Variants in DLC1 observed in about 807,000 individuals in gnomAD.
DLC1 encodes the protein DLC1 Rho GTPase activating protein.
Under a neutral mutation model 140.3 loss-of-function variants are expected in DLC1, and 54 were observed. That is an observed-to-expected ratio of 0.38 (90% CI 0.31 to 0.48). The LOEUF (loss-of-function observed/expected upper bound fraction) is 0.48. Among genes scored for constraint, DLC1 ranks in the 20% least tolerant of loss-of-function variants. The pLI is 0.96. For missense variants in DLC1, 2,536 were observed against 1,907.0 expected, an observed-to-expected ratio of 1.33 and a Z score of -6.14; for synonymous variants, 986 against 728.1, an observed-to-expected ratio of 1.35 and a Z score of -5.70.
In DLC1 at chr8:13,099,725, G is replaced by T. The variant is rs145263649; in HGVS notation, c.2612C>A (p.Ser871Tyr). The change falls in exon 9 of 18, where the codon TCC (serine) becomes TAC (tyrosine). Residue 871 changes from serine to tyrosine, a missense_variant. Physicochemically the swap from Ser to Tyr is moderately radical, Grantham distance 144. Coordinates refer to ENST00000276297, the MANE Select transcript of DLC1 (RefSeq NM_182643.3). The stretch of plus-strand genomic sequence containing the variant: ...GTAGATGCTCAGGCGGCTGCTCATG[G>T]AGCTGGAAGAATTGCGTCTCTTCAG... The part of the protein sequence containing the change: ...KELKRRNSSS[S>Y]MSSRLSIYDN... 14 of 1,614,074 alleles carry T rather than the reference G, an allele frequency of 8.7e-6. No homozygotes were observed. The highest frequency in any genetic ancestry group is 1.2e-5 in the Non-Finnish European group (14 of 1,180,036).
chr8:13,355,423 C>T (rs530398791), intron 4 of DLC1, among the ~76,000 whole-genome samples: 2 of 152,286 alleles, frequency 1.3e-5, no homozygotes, highest in South Asian at 2.1e-4. Flanking sequence ...GTGACTAAAA[C>T]AACAGAAATT....
At position 13,124,433 on chromosome 8, in the gene DLC1, A is replaced by G. The variant is rs145488951; in HGVS notation, c.1349-8776T>C. 2.8e-3 allele frequency among the ~76,000 whole-genome samples: 433 copies of G among 152,366 alleles called. 3 individuals carry two copies. Among genetic ancestry groups the G allele is most frequent in the African/African-American group, 0.01 (416 of 41,590 alleles). Reference sequence around the variant, plus strand: ...GTCTGGATTTACTACAATACAGACCAAAAAGCAGGAGTATGAAGCAGAAAG... The same window carrying G: ...GTCTGGATTTACTACAATACAGACCGAAAAGCAGGAGTATGAAGCAGAAAG... On this transcript the variant is annotated intron_variant, in intron 5 of 17. Coordinates refer to ENST00000276297, the MANE Select transcript of DLC1 (RefSeq NM_182643.3).
intron 5 of DLC1, among the ~76,000 whole-genome samples, chr8:13,193,238 T>G (rs1008588084): frequency 2.0e-5 from 3 of 152,160 alleles, no homozygotes; most frequent in Non-Finnish European, 4.4e-5. Flanking sequence ...TAGTTTGACT[T>G]TTCAAAAGAC....
chr8:13,368,372 G>T (rs1410946356), intron 4 of DLC1, among the ~76,000 whole-genome samples: 1 of 152,040 alleles, frequency 6.6e-6, no homozygotes, highest in Admixed American at 6.6e-5. Flanking sequence ...TCATAGTAAA[G>T]ATGTCTGTTG....
intron 2 of DLC1, among the ~76,000 whole-genome samples, chr8:13,477,430 T>G (rs1022659637): frequency 6.6e-6 from 1 of 152,202 alleles, no homozygotes; most frequent in Non-Finnish European, 1.5e-5. Flanking sequence ...GTACATTGTA[T>G]TTCTATAAGA....
intron 2 of DLC1, among the ~76,000 whole-genome samples, chr8:13,466,017 G>A (rs1156758308): frequency 6.6e-6 from 1 of 152,094 alleles, no homozygotes; most frequent in Non-Finnish European, 1.5e-5. Flanking sequence ...CTCCCTAGGG[G>A]GCAGCTAGAT....
At chr8:13,488,616 G>A (rs552540384) in intron 2 of DLC1, among the ~76,000 whole-genome samples, 1 of 152,304 alleles carries the variant, frequency 6.6e-6, no homozygotes, top group South Asian at 2.1e-4. Flanking sequence ...CACCAGCTGA[G>A]CGAAGACTTT....
intron 2 of DLC1, among the ~76,000 whole-genome samples, chr8:13,486,360 C>G (rs1800968144): frequency 6.6e-6 from 1 of 152,144 alleles, no homozygotes. Flanking sequence ...CCCCCGCACA[C>G]AAAGTAGACA....
At chr8:13,601,670 A>G (rs1585321041) in intron 1 of DLC1, among the ~76,000 whole-genome samples, 1 of 151,706 alleles carries the variant, frequency 6.6e-6, no homozygotes, top group East Asian at 1.9e-4. Context: ...ACAAAACAAC[A>G]ACGACAACAA....
intron 2 of DLC1, among the ~76,000 whole-genome samples, chr8:13,473,127 C>G (rs1439328426): frequency 6.6e-6 from 1 of 152,112 alleles, no homozygotes; most frequent in Non-Finnish European, 1.5e-5. Flanking sequence ...GGAAGAGACA[C>G]CCAGTGTTCA....
intron 4 of DLC1, among the ~76,000 whole-genome samples, chr8:13,347,527 A>T (rs1834406410): frequency 6.6e-6 from 1 of 152,272 alleles, no homozygotes; most frequent in Non-Finnish European, 1.5e-5. Context: ...AGCCCATTCC[A>T]TATAATGATC....
At chr8:13,221,458 A>G (rs1056629648) in intron 5 of DLC1, among the ~76,000 whole-genome samples, 1 of 150,614 alleles carries the variant, frequency 6.6e-6, no homozygotes, top group African/African-American at 2.4e-5. Flanking sequence ...GCACCTTCCA[A>G]CTCCTGGGTT....
At chr8:13,496,974 G>A (rs552919494) in intron 2 of DLC1, among the ~76,000 whole-genome samples, 2 of 151,388 alleles carry the variant, frequency 1.3e-5, no homozygotes, top group Non-Finnish European at 2.9e-5. Context: ...CTAATTTTTT[G>A]TATTTTTAGT....
chr8:13,136,682 G>C (rs1020588396), intron 5 of DLC1, among the ~76,000 whole-genome samples: 1 of 152,116 alleles, frequency 6.6e-6, no homozygotes, highest in Non-Finnish European at 1.5e-5. Context: ...CTACAGGTGC[G>C]TGCCACCACA....
intron 5 of DLC1, among the ~76,000 whole-genome samples, chr8:13,138,960 G>A (rs12546051): frequency 0.31 from 47,101 of 151,834 alleles, 7,740 homozygotes; most frequent in Admixed American, 0.45. Flanking sequence ...CAAAATATAG[G>A]GAAGTTTAAT....
chr8:13,596,427 T>C (rs1049117874), intron 1 of DLC1, among the ~76,000 whole-genome samples: 1 of 151,852 alleles, frequency 6.6e-6, no homozygotes, highest in Non-Finnish European at 1.5e-5. Context: ...CCATAGAGGG[T>C]CTATGGAACT....
At chr8:13,222,134 C>G (rs1828587300) in intron 5 of DLC1, among the ~76,000 whole-genome samples, 1 of 151,612 alleles carries the variant, frequency 6.6e-6, no homozygotes, top group African/African-American at 2.4e-5. Flanking sequence ...GTTCATGTTT[C>G]TGTGTAACAG....
intron 5 of DLC1, among the ~76,000 whole-genome samples, chr8:13,216,742 A>G (rs1828217716): frequency 1.3e-5 from 2 of 152,046 alleles, no homozygotes; most frequent in African/African-American, 4.8e-5. Flanking sequence ...TGTCCTGTGC[A>G]TTATAGGACA....
In DLC1 at chr8:13,229,725, T is replaced by C. The variant is rs901003458; in HGVS notation, c.1348+75544A>G. 7.9e-5 allele frequency among the ~76,000 whole-genome samples: 12 copies of C among 152,152 alleles called. 1 individual carries two copies. Among genetic ancestry groups the C allele is most frequent in the African/African-American group, 2.7e-4 (11 of 41,444 alleles). On this transcript the variant is annotated intron_variant, in intron 5 of 17. Coordinates refer to ENST00000276297, the MANE Select transcript of DLC1 (RefSeq NM_182643.3). ...TAAATTGTATGTGACATTTCTGCCATGAAAGTGGGTGACTTTACCAAGAGC... is the reference window on the plus strand; with the variant it reads ...TAAATTGTATGTGACATTTCTGCCACGAAAGTGGGTGACTTTACCAAGAGC...
Sources: gnomAD v4.1 joint callset for allele counts (sites outside exome capture counted in the v4.1 genomes callset) on GRCh38, gnomAD v4.1.1 for gene constraint, MANE v1.5 for transcripts, NCBI Gene and HGNC (gene_info 2026-07-23, HGNC 2026-07-21) for gene names.